The following LRRC4C variants were observed in gnomAD, a reference collection of about 807,000 sequenced individuals.
LRRC4C encodes leucine-rich repeat-containing protein 4C.
In LRRC4C, 5 loss-of-function variants were observed where a neutral mutation model predicts 33.6. The ratio of observed to expected loss-of-function variants is 0.15; its 90% CI spans 0.08 to 0.31. LRRC4C has a LOEUF of 0.31. Among genes scored for constraint, LRRC4C ranks in the 10% least tolerant of loss-of-function variants. The pLI is 1.00. For synonymous variants in LRRC4C, 329 were observed against 302.0 expected, an observed-to-expected ratio of 1.09 and a Z score of -0.93; for missense variants, 560 against 796.7, an observed-to-expected ratio of 0.70 and a Z score of 3.58.
chr11:41,062,649 T>G (rs768498564), intron 1 of LRRC4C, among the ~76,000 whole-genome samples: 2 of 152,198 alleles, frequency 1.3e-5, no homozygotes, highest in Non-Finnish European at 2.9e-5. Flanking sequence ...TAATCTTTAC[T>G]GGGTAGCATA....
chr11:40,280,899 G>A (rs984602484), intron 4 of LRRC4C, among the ~76,000 whole-genome samples: 4 of 152,144 alleles, frequency 2.6e-5, no homozygotes, highest in African/African-American at 9.7e-5. Flanking sequence ...CCGGATAGAA[G>A]ACTATATGTC....
At chr11:40,789,015 C>T (rs1376520972) in intron 2 of LRRC4C, among the ~76,000 whole-genome samples, 1 of 150,364 alleles carries the variant, frequency 6.7e-6, no homozygotes, top group African/African-American at 2.5e-5. Context: ...ATGGCGTGAA[C>T]CCGGGAGGCA....
At chr11:41,256,153 CA>C (rs1348545830) in intron 1 of LRRC4C, among the ~76,000 whole-genome samples, 1 of 151,866 alleles carries the variant, frequency 6.6e-6, no homozygotes, top group Non-Finnish European at 1.5e-5. Context: ...TGTCTTTATC[CA>C]AAGCATTCTC....
intron 3 of LRRC4C, among the ~76,000 whole-genome samples, chr11:40,413,638 A>G (rs1950226437): frequency 6.6e-6 from 1 of 152,144 alleles, no homozygotes; most frequent in Non-Finnish European, 1.5e-5. Context: ...CAGTTACGTA[A>G]AATCTACTTC....
At chr11:40,994,506 T>G (rs955162455) in intron 1 of LRRC4C, among the ~76,000 whole-genome samples, 1 of 152,008 alleles carries the variant, frequency 6.6e-6, no homozygotes, top group Non-Finnish European at 1.5e-5. Flanking sequence ...GGCTTGGAGG[T>G]TCACAATTTA....
At chr11:41,003,646 A>C (rs1854535524) in intron 1 of LRRC4C, among the ~76,000 whole-genome samples, 1 of 152,004 alleles carries the variant, frequency 6.6e-6, no homozygotes, top group Non-Finnish European at 1.5e-5. Flanking sequence ...TGAAGGAAAA[A>C]TATTTATACA....
intron 3 of LRRC4C, among the ~76,000 whole-genome samples, chr11:40,565,900 G>T (rs1324798516): frequency 3.3e-5 from 5 of 151,924 alleles, no homozygotes; most frequent in African/African-American, 1.2e-4. Context: ...TCTATAATTT[G>T]TCTAGTTAGA....
chr11:40,487,088 G>A (rs930463005), intron 3 of LRRC4C, among the ~76,000 whole-genome samples: 1 of 152,092 alleles, frequency 6.6e-6, no homozygotes, highest in African/African-American at 2.4e-5. Context: ...CTGTGTGTGA[G>A]TTGGACTACG....
intron 2 of LRRC4C, among the ~76,000 whole-genome samples, chr11:40,831,236 C>A (rs1952399187): frequency 6.6e-6 from 1 of 152,092 alleles, no homozygotes; most frequent in Non-Finnish European, 1.5e-5. Context: ...GAAATTGTTA[C>A]TTTTGCTCTC....
At chr11:40,440,324 A>G (rs1380185621) in intron 3 of LRRC4C, among the ~76,000 whole-genome samples, 1 of 119,086 alleles carries the variant, frequency 8.4e-6, no homozygotes, top group Non-Finnish European at 1.8e-5. Flanking sequence ...TTTTTAATAC[A>G]TTTTTTCCTC....
At chr11:40,946,951 A>G (rs1281019185) in intron 1 of LRRC4C, among the ~76,000 whole-genome samples, 1 of 152,178 alleles carries the variant, frequency 6.6e-6, no homozygotes. Flanking sequence ...AATAGAAATC[A>G]ATACCAAATA....
intron 1 of LRRC4C, among the ~76,000 whole-genome samples, chr11:41,368,321 A>T (rs954821815): frequency 6.6e-6 from 1 of 152,110 alleles, no homozygotes; most frequent in Non-Finnish European, 1.5e-5. Flanking sequence ...TCGCTCTAAG[A>T]CTTCCCTCTT....
rs1942200606 is a variant in LRRC4C, at chr11:40,265,707, TC to T, written c.-175-24110del. ...AGAGTTGTAAGCAAGGAAAAAAATA[TC>T]AATAAAATTCAGCTCAGGCAGACAA... On this transcript the variant is annotated intron_variant, in intron 4 of 6. Coordinates refer to ENST00000528697, the MANE Select transcript of LRRC4C (RefSeq NM_001258419.2). Among the ~76,000 whole-genome samples the T allele has an allele frequency of 7.9e-5, 12 of 152,264 alleles. No individual in the cohort carries two copies. In the South Asian group the frequency reaches 2.5e-3, roughly 32 times the overall value.
intron 3 of LRRC4C, among the ~76,000 whole-genome samples, chr11:40,511,680 G>A (rs1446648501): frequency 6.6e-6 from 1 of 152,142 alleles, no homozygotes; most frequent in Non-Finnish European, 1.5e-5. Context: ...AGCACCAGCA[G>A]GGAATGCCAC....
At chr11:40,913,700 A>G (rs549361072) in intron 2 of LRRC4C, among the ~76,000 whole-genome samples, 1 of 152,230 alleles carries the variant, frequency 6.6e-6, no homozygotes, top group African/African-American at 2.4e-5. Flanking sequence ...CTAAGATCAG[A>G]GCAGAACTGA....
At chr11:41,404,499 T>G (rs1406079158) in intron 1 of LRRC4C, among the ~76,000 whole-genome samples, 1 of 137,868 alleles carries the variant, frequency 7.3e-6, no homozygotes, top group African/African-American at 2.8e-5. Context: ...TGTGTGTGTA[T>G]ACACACAGAC....
At chr11:40,517,300 A>G (rs1955602058) in intron 3 of LRRC4C, among the ~76,000 whole-genome samples, 1 of 152,192 alleles carries the variant, frequency 6.6e-6, no homozygotes, top group Non-Finnish European at 1.5e-5. Flanking sequence ...AAAGAGGTTC[A>G]ATCGATGACT....
chr11:40,232,792 A>C (rs1865296214), intron 5 of LRRC4C, among the ~76,000 whole-genome samples: 1 of 152,186 alleles, frequency 6.6e-6, no homozygotes, highest in East Asian at 1.9e-4. Flanking sequence ...GTTTACTCCT[A>C]ATACAGACAG....
At chr11:41,313,096 G>A (rs1470067774) in intron 1 of LRRC4C, among the ~76,000 whole-genome samples, 3 of 152,170 alleles carry the variant, frequency 2.0e-5, no homozygotes, top group Admixed American at 6.5e-5. Flanking sequence ...TATGTTGAGG[G>A]TATGTTTGAT....
Sources: allele counts gnomAD v4.1 joint callset (sites outside exome capture counted in the v4.1 genomes callset), GRCh38; gene constraint gnomAD v4.1.1; transcripts MANE v1.5; gene names NCBI Gene and HGNC (gene_info 2026-07-23, HGNC 2026-07-21).